The following PICALM variants were observed in gnomAD, a reference collection of about 807,000 sequenced individuals.
PICALM encodes the protein phosphatidylinositol binding clathrin assembly protein.
In PICALM, 40 loss-of-function variants were observed where a neutral mutation model predicts 80.5. That is an observed-to-expected ratio of 0.50 (90% CI 0.39 to 0.65). PICALM has a LOEUF of 0.65. PICALM is among the 30% of genes least tolerant of loss of function. The pLI is 0.00. For missense variants in PICALM, 676 were observed against 778.9 expected, an observed-to-expected ratio of 0.87 and a Z score of 1.57; for synonymous variants, 288 against 260.3, an observed-to-expected ratio of 1.11 and a Z score of -1.02.
At chr11:86,037,697 TA>T (rs78694481) in intron 1 of PICALM, among the ~76,000 whole-genome samples, 65,622 of 148,258 alleles carry the variant, frequency 0.44, 14,440 homozygotes, top group East Asian at 0.6. Flanking sequence ...AGACACTGTC[TA>T]AAAAAAAAAA....
At chr11:86,059,156 G>A (rs2096315874) in intron 1 of PICALM, among the ~76,000 whole-genome samples, 2 of 152,106 alleles carry the variant, frequency 1.3e-5, no homozygotes, top group African/African-American at 4.8e-5. Context: ...ATCCTTAAAT[G>A]TCTACTGGCA....
intron 12 of PICALM, among the ~76,000 whole-genome samples, chr11:85,992,054 C>A (rs939483222): frequency 6.6e-6 from 1 of 152,096 alleles, no homozygotes; most frequent in Admixed American, 6.5e-5. Context: ...ATGATACCAA[C>A]GCTAGTCTTG....
At chr11:85,999,425 G>T (rs1362444793) in intron 11 of PICALM, among the ~76,000 whole-genome samples, 1 of 152,070 alleles carries the variant, frequency 6.6e-6, no homozygotes, top group East Asian at 1.9e-4. Context: ...TTTCAGCCTC[G>T]AACAATGAAC....
chr11:86,060,249 T>C (rs2096338457), intron 1 of PICALM, among the ~76,000 whole-genome samples: 1 of 152,172 alleles, frequency 6.6e-6, no homozygotes, highest in Non-Finnish European at 1.5e-5. Flanking sequence ...CTTTTAAAAT[T>C]GAGGAGCCAA....
At chr11:86,025,630 C>T (rs1240083480) in intron 3 of PICALM, among the ~76,000 whole-genome samples, 2 of 151,842 alleles carry the variant, frequency 1.3e-5, no homozygotes, top group Non-Finnish European at 2.9e-5. Context: ...ATGATCTTGG[C>T]TCACTGCAAC....
intron 13 of PICALM, among the ~76,000 whole-genome samples, chr11:85,985,269 G>A (rs1053407975): frequency 2.6e-5 from 4 of 152,100 alleles, no homozygotes; most frequent in Non-Finnish European, 5.9e-5. Context: ...GTAAAAAGTA[G>A]GACAAGATTT....
chr11:86,015,570 T>C (rs1211005491), intron 4 of PICALM, among the ~76,000 whole-genome samples: 3 of 152,314 alleles, frequency 2.0e-5, no homozygotes, highest in East Asian at 3.9e-4. Context: ...TTTAATAAAA[T>C]AGTCTGTTAA....
chr11:86,027,952 G>A (rs867847568), intron 2 of PICALM, among the ~76,000 whole-genome samples: 3 of 152,078 alleles, frequency 2.0e-5, no homozygotes, highest in Admixed American at 6.6e-5. Flanking sequence ...TAAAAATATC[G>A]TAAGACAATA....
chr11:86,025,566 T>C (rs1167482879), intron 3 of PICALM, among the ~76,000 whole-genome samples: 1 of 151,826 alleles, frequency 6.6e-6, no homozygotes, highest in East Asian at 1.9e-4. Flanking sequence ...TCTTTTTTTG[T>C]TTGTTTTTTT....
intron 7 of PICALM, 92 bp downstream of exon 7, chr11:86,010,938 T>C: frequency 1.5e-6 from 1 of 668,188 alleles, no homozygotes; most frequent in Non-Finnish European, 2.7e-6. Context: ...ATTGAAGACA[T>C]TTATTTTATT....
intron 1 of PICALM, among the ~76,000 whole-genome samples, chr11:86,060,197 T>A (rs1220529232): frequency 6.6e-6 from 1 of 152,178 alleles, no homozygotes; most frequent in Admixed American, 6.5e-5. Flanking sequence ...TAATACACAC[T>A]CATCCCTAAA....
chr11:86,030,628 T>C (rs1275042165), intron 2 of PICALM, among the ~76,000 whole-genome samples: 1 of 152,180 alleles, frequency 6.6e-6, no homozygotes, highest in Non-Finnish European at 1.5e-5. Flanking sequence ...AGTAAGATGA[T>C]TCTCTCAAAA....
At chr11:86,047,214 TTACTC>T (rs1406376652) in intron 1 of PICALM, among the ~76,000 whole-genome samples, 2 of 152,244 alleles carry the variant, frequency 1.3e-5, no homozygotes, top group African/African-American at 4.8e-5. Context: ...TTTTCTCTAA[TTACTC>T]TAAACTGCAC....
chr11:85,990,008 C>CAAAAAAAAAAAAAAAAAAA (rs5793177), intron 13 of PICALM, among the ~76,000 whole-genome samples: 1 of 89,332 alleles, frequency 1.1e-5, no homozygotes, highest in Non-Finnish European at 2.1e-5. Flanking sequence ...AACCAAACAC[C>CAAAAAAAAAAAAAAAAAAA]AAAAAAAAAA....
intron 1 of PICALM, among the ~76,000 whole-genome samples, chr11:86,045,212 A>T: frequency 6.6e-6 from 1 of 152,328 alleles, no homozygotes; most frequent in East Asian, 1.9e-4. Flanking sequence ...ATTTTTCCTA[A>T]TAAGTTTAAT....
intron 5 of PICALM, among the ~76,000 whole-genome samples, chr11:86,013,546 T>G (rs941879442): frequency 2.6e-5 from 4 of 151,684 alleles, no homozygotes; most frequent in African/African-American, 9.7e-5. Flanking sequence ...GAGAATTGAG[T>G]GTAGCACTGT....
intron 4 of PICALM, among the ~76,000 whole-genome samples, chr11:86,021,567 G>C (rs1303441519): frequency 6.7e-6 from 1 of 149,726 alleles, no homozygotes; most frequent in Non-Finnish European, 1.5e-5. Context: ...GAAACTGAAA[G>C]TGCCATACAT....
Position 85,990,263 on chromosome 11 carries a change from A to G in PICALM, c.1395T>C (p.His465=). The G allele has an allele frequency of 1.3e-6, 2 of 1,596,892 alleles. No individual in the cohort carries two copies. Among genetic ancestry groups the G allele is most frequent in the Non-Finnish European group, 1.7e-6 (2 of 1,167,172 alleles). Residue 465 remains histidine (H), a synonymous_variant, in exon 13 of 20, where the codon CAT becomes CAC. Coordinates refer to ENST00000393346, the MANE Select transcript of PICALM (RefSeq NM_007166.4). ...ATGGTACTTTACCAACAAACATTTC[A>G]TGAGTAGGTGTCCTAGTAGTAAAAG... ...VSTFTTRTPT[H]EMFVGFTPSP... is the part of the protein sequence containing the mutation.
At chr11:86,020,510 A>C (rs1785807) in intron 4 of PICALM, among the ~76,000 whole-genome samples, 1 of 152,126 alleles carries the variant, frequency 6.6e-6, no homozygotes, top group Non-Finnish European at 1.5e-5. Flanking sequence ...TAATCAAGAC[A>C]ATGTGGTACT....
Sources: allele counts gnomAD v4.1 joint callset (sites outside exome capture counted in the v4.1 genomes callset), GRCh38; gene constraint gnomAD v4.1.1; transcripts MANE v1.5; gene names NCBI Gene and HGNC (gene_info 2026-07-23, HGNC 2026-07-21).